NR6A1: variants seen among roughly 807,000 people sequenced by gnomAD.
NR6A1 encodes the protein nuclear receptor subfamily 6 group A member 1.
A neutral mutation model predicts 59.1 loss-of-function variants in NR6A1; 7 were observed. The observed-to-expected ratio is 0.12, with a 90% CI of 0.07 to 0.22. NR6A1 has a LOEUF of 0.22. NR6A1 is among the 10% of genes least tolerant of loss of function. The probability of loss-of-function intolerance (pLI) is 1.00; values close to 1 mark genes in which losing one functional copy is unlikely to be tolerated. For synonymous variants in NR6A1, 243 were observed against 236.1 expected, an observed-to-expected ratio of 1.03 and a Z score of -0.27; for missense variants, 468 against 611.6, an observed-to-expected ratio of 0.77 and a Z score of 2.48.
chr9:124,535,097 C>T (rs1833216044), intron 7 of NR6A1, among the ~76,000 whole-genome samples: 1 of 151,820 alleles, frequency 6.6e-6, no homozygotes, highest in African/African-American at 2.4e-5. Context: ...GCACTCCAGC[C>T]TGGGTGACAG....
At chr9:124,720,974 T>G (rs1024857968) in intron 2 of NR6A1, among the ~76,000 whole-genome samples, 10 of 152,162 alleles carry the variant, frequency 6.6e-5, no homozygotes, top group African/African-American at 2.4e-4. Context: ...TTTCAGCTTT[T>G]TTTTAATAAA....
intron 7 of NR6A1, among the ~76,000 whole-genome samples, chr9:124,529,034 C>T (rs934865009): frequency 2.6e-5 from 4 of 152,174 alleles, no homozygotes; most frequent in East Asian, 1.9e-4. Context: ...CGTTGACCTT[C>T]GGCCTTGGCA....
intron 1 of NR6A1, among the ~76,000 whole-genome samples, chr9:124,751,833 T>C (rs1283484772): frequency 6.6e-6 from 1 of 152,240 alleles, no homozygotes; most frequent in Non-Finnish European, 1.5e-5. Flanking sequence ...ACAAAGTGTT[T>C]CCATGAAGAA....
intron 2 of NR6A1, among the ~76,000 whole-genome samples, chr9:124,684,769 C>G (rs1026240245): frequency 2.0e-5 from 3 of 152,148 alleles, no homozygotes; most frequent in African/African-American, 7.2e-5. Context: ...GATCACTTTA[C>G]AGCTATTTCT....
chr9:124,617,661 G>A (rs988282190), intron 2 of NR6A1, among the ~76,000 whole-genome samples: 1 of 152,128 alleles, frequency 6.6e-6, no homozygotes, highest in Non-Finnish European at 1.5e-5. Flanking sequence ...GTGTCCTAGA[G>A]TCCACCAGCA....
chr9:124,659,222 C>G (rs772657490), intron 2 of NR6A1, among the ~76,000 whole-genome samples: 2 of 151,430 alleles, frequency 1.3e-5, no homozygotes, highest in Non-Finnish European at 2.9e-5. Context: ...CAAAACCAGA[C>G]AGTCCTGGCC....
chr9:124,541,259 G>A (rs573058285), intron 4 of NR6A1, among the ~76,000 whole-genome samples: 1 of 151,738 alleles, frequency 6.6e-6, no homozygotes, highest in African/African-American at 2.4e-5. Flanking sequence ...AACATACAAG[G>A]AACTCCCATA....
chr9:124,595,918 G>A (rs1835258316), intron 2 of NR6A1: 6 of 838,560 alleles, frequency 7.2e-6, no homozygotes, highest in Non-Finnish European at 1.0e-5. Flanking sequence ...CAGTTTACAA[G>A]CTGGTCATGT....
intron 2 of NR6A1, among the ~76,000 whole-genome samples, chr9:124,574,061 T>G (rs1338977508): frequency 6.6e-6 from 1 of 152,250 alleles, no homozygotes; most frequent in African/African-American, 2.4e-5. Flanking sequence ...GTACTGACAC[T>G]GGAATGTTTC....
chr9:124,733,724 A>G (rs1034052887), intron 1 of NR6A1, among the ~76,000 whole-genome samples: 1 of 152,244 alleles, frequency 6.6e-6, no homozygotes, highest in Non-Finnish European at 1.5e-5. Flanking sequence ...AATACCTGTC[A>G]TATTCTATTT....
chr9:124,736,967 T>C (rs1371380964), intron 1 of NR6A1, among the ~76,000 whole-genome samples: 2 of 152,222 alleles, frequency 1.3e-5, no homozygotes, highest in Non-Finnish European at 2.9e-5. Context: ...TTCAGTGCTG[T>C]GTCTATGGAA....
In NR6A1 at chr9:124,538,197, G is replaced by T; in HGVS notation, c.719C>A (p.Pro240His). 2 of 1,614,210 alleles carry T rather than the reference G, an allele frequency of 1.2e-6. No homozygotes were observed. The highest frequency in any genetic ancestry group is 1.7e-6 in the Non-Finnish European group (2 of 1,180,040). ...FSYSGHSPLL[P>H]QQARSLDPQS... ...GGGATCCAGGCTGCGAGCTTGTTGG[G>T]GCAGAAGTGGTGAGTGGCCAGAATA... Residue 240 changes from proline to histidine, a missense_variant, in exon 6 of 10, where the codon CCC (proline) becomes CAC (histidine). Physicochemically the swap from Pro to His is moderately conservative, Grantham distance 77 (BLOSUM62 -2). Coordinates refer to ENST00000487099, the MANE Select transcript of NR6A1 (RefSeq NM_033334.4).
At chr9:124,688,650 G>A (rs956803091) in intron 2 of NR6A1, among the ~76,000 whole-genome samples, 13 of 152,264 alleles carry the variant, frequency 8.5e-5, no homozygotes, top group Middle Eastern at 3.4e-3. Context: ...GGAGATCAAA[G>A]CTTCCAAAAA....
intron 2 of NR6A1, among the ~76,000 whole-genome samples, chr9:124,601,038 G>A (rs1013911183): frequency 1.3e-5 from 2 of 151,898 alleles, no homozygotes; most frequent in Non-Finnish European, 2.9e-5. Flanking sequence ...CACTTTGGGA[G>A]GCCAAGGCGG....
At chr9:124,686,552 G>A (rs1003806422) in intron 2 of NR6A1, among the ~76,000 whole-genome samples, 1 of 151,876 alleles carries the variant, frequency 6.6e-6, no homozygotes, top group African/African-American at 2.4e-5. Context: ...ACTCAGAAGA[G>A]TTTTTCACTG....
At chr9:124,523,613 T>C (rs903922755) in intron 9 of NR6A1, among the ~76,000 whole-genome samples, 16 of 152,156 alleles carry the variant, frequency 1.1e-4, no homozygotes, top group African/African-American at 3.9e-4. Flanking sequence ...AATTGTTGAC[T>C]TCCTTTTATT....
chr9:124,582,360 A>G (rs1453191774), intron 2 of NR6A1, among the ~76,000 whole-genome samples: 2 of 152,208 alleles, frequency 1.3e-5, no homozygotes. Context: ...GGAGGAGCTA[A>G]ATGATGAGAA....
At chr9:124,637,892 CA>C (rs796714741) in intron 2 of NR6A1, among the ~76,000 whole-genome samples, 8,347 of 78,948 alleles carry the variant, frequency 0.11, 708 homozygotes, top group African/African-American at 0.28. Context: ...ACTCCCTCTC[CA>C]AAAAAAAAAA....
At chr9:124,687,291 A>ATTATTTAATTAT (rs1838366219) in intron 2 of NR6A1, among the ~76,000 whole-genome samples, 1 of 142,090 alleles carries the variant, frequency 7.0e-6, no homozygotes, top group South Asian at 2.3e-4. Flanking sequence ...CAGCTAATTA[A>ATTATTTAATTAT]TTATTTATTT....
Sources: allele counts gnomAD v4.1 joint callset (sites outside exome capture counted in the v4.1 genomes callset), GRCh38; gene constraint gnomAD v4.1.1; transcripts MANE v1.5; gene names NCBI Gene and HGNC (gene_info 2026-07-23, HGNC 2026-07-21).